The following DSCAM variants were observed in gnomAD, a reference collection of about 807,000 sequenced individuals.
DSCAM encodes the protein cell adhesion molecule DSCAM.
DSCAM carries 47 observed loss-of-function variants against 217.7 expected under a neutral mutation model. The ratio of observed to expected loss-of-function variants is 0.22; its 90% CI spans 0.17 to 0.28. DSCAM has a LOEUF of 0.28. Among genes scored for constraint, DSCAM ranks in the 10% least tolerant of loss-of-function variants. DSCAM has a pLI of 1.00. For synonymous variants in DSCAM, 1,056 were observed against 1,015.3 expected, an observed-to-expected ratio of 1.04 and a Z score of -0.76; for missense variants, 2,080 against 2,618.3, an observed-to-expected ratio of 0.79 and a Z score of 4.49.
rs1024425466 is a variant in DSCAM, at chr21:40,078,734, C to A, written c.4664G>T (p.Gly1555Val). ...GAAGTTGGCCTGCTTCTCCGCGCAG[C>A]CCGCACTGTTGCACACCCGCATCTG... ...ELQMRVCNSA[G>V]CAEKQANFAT... The change falls in exon 26 of 33, where the codon GGC (glycine) becomes GTC (valine). Residue 1555 changes from glycine (G) to valine (V), a missense_variant. Coordinates refer to ENST00000400454, the MANE Select transcript of DSCAM (RefSeq NM_001389.5). The A allele has an allele frequency of 1.5e-5, 25 of 1,614,266 alleles. No homozygotes were observed. The highest frequency in any genetic ancestry group is 2.1e-5 in the Non-Finnish European group (25 of 1,180,052).
Position 40,824,403 on chromosome 21 carries a change from A to ATTTTTTTTTTTTTTT in DSCAM, c.43+22201_43+22215dup, listed in dbSNP as rs536114434. ...GCTCCCTATCCCATTTTTATTATTG[A>ATTTTTTTTTTTTTTT]TTTTTTTTTTTTTTTTTGGAGACAG... On this transcript the variant is annotated intron_variant, in intron 1 of 32. Coordinates refer to ENST00000400454, the MANE Select transcript of DSCAM (RefSeq NM_001389.5). 8.7e-4 allele frequency among the ~76,000 whole-genome samples: 105 copies of ATTTTTTTTTTTTTTT among 120,984 alleles called. 3 individuals are homozygous for ATTTTTTTTTTTTTTT. Among genetic ancestry groups the ATTTTTTTTTTTTTTT allele is most frequent in the African/African-American group, 1.6e-3 (45 of 28,716 alleles). 79.4% of individuals were successfully genotyped at this position (120,984 alleles called of 152,430 possible). A position where few individuals can be genotyped will look rare whatever the true frequency, so the allele number is the denominator to read the frequency against.
intron 1 of DSCAM, among the ~76,000 whole-genome samples, chr21:40,813,328 T>C (rs1236078108): frequency 6.6e-6 from 1 of 152,226 alleles, no homozygotes; most frequent in Non-Finnish European, 1.5e-5. Flanking sequence ...AACTGTGGTA[T>C]ATGAAGACAG....
chr21:40,111,960 A>G (rs1024654514), intron 20 of DSCAM, among the ~76,000 whole-genome samples: 1 of 152,140 alleles, frequency 6.6e-6, no homozygotes, highest in South Asian at 2.1e-4. Context: ...CCCACACAAT[A>G]ATAATGGGAG....
chr21:40,073,584 G>T (rs1470407517), intron 27 of DSCAM, among the ~76,000 whole-genome samples: 2 of 152,162 alleles, frequency 1.3e-5, no homozygotes, highest in Non-Finnish European at 2.9e-5. Flanking sequence ...TACGCTTGTA[G>T]TTCTGTTTTA....
At chr21:40,785,863 C>T (rs2091588947) in intron 1 of DSCAM, among the ~76,000 whole-genome samples, 1 of 152,224 alleles carries the variant, frequency 6.6e-6, no homozygotes, top group South Asian at 2.1e-4. Flanking sequence ...TAGTTTCTTT[C>T]CTTTCCACAT....
chr21:40,042,863 G>A (rs1003346160), intron 31 of DSCAM, among the ~76,000 whole-genome samples, 190 bp from the exon 32 acceptor site: 1 of 152,214 alleles, frequency 6.6e-6, no homozygotes, highest in Non-Finnish European at 1.5e-5. Flanking sequence ...AGCAGATCCG[G>A]TTAAGGGAAG....
intron 3 of DSCAM, among the ~76,000 whole-genome samples, chr21:40,530,879 GTCCATCCATCCATCCATCCATCCATCCA>G (rs759529131): frequency 0.023 from 3,331 of 147,960 alleles, 120 homozygotes; most frequent in African/African-American, 0.079. Flanking sequence ...AGCCCTGCCT[GTCCATCCATCCATCCATCCATCCATCCA>G]TCCATCCATT....
intron 14 of DSCAM, among the ~76,000 whole-genome samples, chr21:40,186,265 T>C (rs1223243111): frequency 6.6e-6 from 1 of 152,190 alleles, no homozygotes; most frequent in Non-Finnish European, 1.5e-5. Flanking sequence ...ACTACAGCTT[T>C]AGTGCCAAAG....
intron 16 of DSCAM, 148 bp downstream of exon 16, chr21:40,167,070 T>C (rs1248872643): frequency 1.3e-5 from 8 of 636,690 alleles, no homozygotes; most frequent in African/African-American, 9.2e-5. Flanking sequence ...ATACAAATAC[T>C]GCATTTTAAG....
At chr21:40,719,963 T>G (rs1372385729) in intron 1 of DSCAM, among the ~76,000 whole-genome samples, 3 of 152,062 alleles carry the variant, frequency 2.0e-5, no homozygotes, top group African/African-American at 7.2e-5. Context: ...AAAAAAATCA[T>G]GAAGGAGATA....
chr21:40,568,496 C>T (rs2076782036), intron 3 of DSCAM, among the ~76,000 whole-genome samples: 1 of 152,054 alleles, frequency 6.6e-6, no homozygotes, highest in Admixed American at 6.6e-5. Context: ...CCAGGCTGTA[C>T]ATTCAAGGAG....
chr21:40,409,375 A>G (rs1449669460), intron 3 of DSCAM, among the ~76,000 whole-genome samples: 1 of 152,252 alleles, frequency 6.6e-6, no homozygotes, highest in Non-Finnish European at 1.5e-5. Context: ...GGAAGCCTGA[A>G]ATAAGGAAAG....
At chr21:40,627,099 A>G (rs940515540) in intron 3 of DSCAM, among the ~76,000 whole-genome samples, 1 of 152,246 alleles carries the variant, frequency 6.6e-6, no homozygotes, top group Non-Finnish European at 1.5e-5. Context: ...GACAGAAGCC[A>G]TATCTACTTC....
chr21:40,266,278 T>C (rs1007603950), intron 11 of DSCAM, among the ~76,000 whole-genome samples: 1 of 151,992 alleles, frequency 6.6e-6, no homozygotes, highest in Non-Finnish European at 1.5e-5. Flanking sequence ...ATTAGGGAAA[T>C]GCCAATTAAA....
At chr21:40,519,569 T>C (rs1450685644) in intron 3 of DSCAM, among the ~76,000 whole-genome samples, 2 of 152,158 alleles carry the variant, frequency 1.3e-5, no homozygotes, top group Non-Finnish European at 2.9e-5. Context: ...AGATACTGGA[T>C]GTGCTGGTGC....
intron 3 of DSCAM, among the ~76,000 whole-genome samples, chr21:40,584,825 T>C (rs1202659555): frequency 1.3e-5 from 2 of 152,210 alleles, no homozygotes; most frequent in Non-Finnish European, 2.9e-5. Context: ...AGTTTGGATG[T>C]CTGTCCTCTC....
intron 3 of DSCAM, 159 bp from the exon 4 acceptor site, chr21:40,369,404 G>A (rs1176253423): frequency 1.4e-5 from 8 of 571,004 alleles, no homozygotes; most frequent in African/African-American, 9.5e-5. Flanking sequence ...GTGTGTGTGT[G>A]TGTGTGTGTG....
chr21:40,252,487 T>C (rs570207037), intron 11 of DSCAM, among the ~76,000 whole-genome samples: 1 of 152,288 alleles, frequency 6.6e-6, no homozygotes, highest in South Asian at 2.1e-4. Context: ...AGATCTTGAG[T>C]AGGAAAAAGA....
intron 3 of DSCAM, among the ~76,000 whole-genome samples, chr21:40,468,795 T>C (rs2075865304): frequency 1.3e-5 from 2 of 152,044 alleles, no homozygotes; most frequent in Non-Finnish European, 2.9e-5. Context: ...CGAAAATTTC[T>C]GAACTGTCAA....
Sources: gnomAD v4.1 joint callset for allele counts (sites outside exome capture counted in the v4.1 genomes callset) on GRCh38, gnomAD v4.1.1 for gene constraint, MANE v1.5 for transcripts, NCBI Gene and HGNC (gene_info 2026-07-23, HGNC 2026-07-21) for gene names.